Variants in ATRNL1 observed in about 807,000 individuals in gnomAD.
The protein encoded by ATRNL1 is attractin-like protein 1.
A neutral mutation model predicts 182.7 loss-of-function variants in ATRNL1; 95 were observed. That is an observed-to-expected ratio of 0.52 (90% CI 0.44 to 0.62). ATRNL1 has a LOEUF of 0.62. Among genes scored for constraint, ATRNL1 ranks in the 20% least tolerant of loss-of-function variants. The probability of loss-of-function intolerance (pLI) is 0.00; values close to 1 mark genes in which losing one functional copy is unlikely to be tolerated. For missense variants in ATRNL1, 1,471 were observed against 1,679.5 expected, an observed-to-expected ratio of 0.88 and a Z score of 2.17; for synonymous variants, 576 against 568.3, an observed-to-expected ratio of 1.01 and a Z score of -0.19.
In ATRNL1 at chr10:115,160,089, G is replaced by C. The variant is rs373516548; in HGVS notation, c.879G>C (p.Leu293=). ...NVPSTESYWI[L]PNVKPFSPSV... is the part of the protein sequence containing the mutation. The stretch of plus-strand genomic sequence containing the variant: ...CCTCTACTGAGTCTTACTGGATTCT[G>C]CCAAACGTTAAACCCTTCAGTCCTT... The change falls in exon 6 of 29, where the codon CTG becomes CTC. Residue 293 remains leucine, a synonymous_variant. Coordinates refer to ENST00000355044, the MANE Select transcript of ATRNL1 (RefSeq NM_207303.4). The C allele has an allele frequency of 6.8e-6, 11 of 1,611,824 alleles. No homozygotes were observed. The highest frequency in any genetic ancestry group is 9.3e-6 in the Non-Finnish European group (11 of 1,178,890).
intron 28 of ATRNL1, among the ~76,000 whole-genome samples, chr10:115,937,377 C>A (rs1054507728): frequency 2.0e-5 from 3 of 152,228 alleles, no homozygotes; most frequent in Non-Finnish European, 4.4e-5. Context: ...TTCAAATGAT[C>A]AGACAAGTAT....
At chr10:115,435,580 A>C (rs1554964682) in intron 21 of ATRNL1, among the ~76,000 whole-genome samples, 1 of 152,170 alleles carries the variant, frequency 6.6e-6, no homozygotes. Flanking sequence ...GACATATGGC[A>C]AGTCATTTTA....
chr10:115,320,797 C>G (rs542920046), intron 18 of ATRNL1, among the ~76,000 whole-genome samples: 31 of 152,138 alleles, frequency 2.0e-4, no homozygotes, highest in Admixed American at 1.1e-3. Flanking sequence ...CTCCTCTAAC[C>G]TTTTATCAAG....
intron 26 of ATRNL1, among the ~76,000 whole-genome samples, chr10:115,583,365 A>T (rs1555008466): frequency 9.2e-6 from 1 of 109,242 alleles, no homozygotes; most frequent in African/African-American, 2.8e-5. Flanking sequence ...CACGATATTG[A>T]TTCTTCCTAC....
chr10:115,326,835 A>G (rs1334273873), intron 18 of ATRNL1, among the ~76,000 whole-genome samples: 7 of 152,322 alleles, frequency 4.6e-5, no homozygotes, highest in African/African-American at 1.7e-4. Context: ...CAATGGGGAA[A>G]GGATTCCCTA....
chr10:115,492,644 A>ATTT (rs10677710), intron 24 of ATRNL1, among the ~76,000 whole-genome samples: 8,626 of 121,820 alleles, frequency 0.071, 781 homozygotes, highest in African/African-American at 0.15. Context: ...TACTAAAGTG[A>ATTT]TTTTTTTTTT....
intron 26 of ATRNL1, among the ~76,000 whole-genome samples, chr10:115,606,270 A>G (rs1856866981): frequency 6.6e-6 from 1 of 152,002 alleles, no homozygotes; most frequent in Non-Finnish European, 1.5e-5. Context: ...GTACATTTTC[A>G]GCAACACACT....
At chr10:115,358,819 T>C (rs1180136809) in intron 19 of ATRNL1, among the ~76,000 whole-genome samples, 2 of 151,614 alleles carry the variant, frequency 1.3e-5, no homozygotes, top group Admixed American at 1.3e-4. Context: ...CCAGCTCTTA[T>C]CCATTTTAAG....
intron 18 of ATRNL1, among the ~76,000 whole-genome samples, chr10:115,316,154 T>C (rs1554929613): frequency 6.6e-6 from 1 of 152,166 alleles, no homozygotes. Flanking sequence ...TTCCCCTCCC[T>C]GTGTCCACGT....
In ATRNL1 at chr10:115,863,668, T is replaced by C. The variant is rs913889379; in HGVS notation, c.4018+15677T>C. 4.6e-5 allele frequency among the ~76,000 whole-genome samples: 7 copies of C among 152,180 alleles called. No homozygotes were observed. The South Asian group carries it at 1.5e-3, about 32-fold the overall frequency. ...TGTATGCACGTGTGTTGGTATACAA[T>C]TGTATGTTTCTTAATGCTGCCTGCT... On this transcript the variant is annotated intron_variant, in intron 28 of 28. Transcript: ENST00000355044.
At chr10:115,735,228 C>G (rs1206915970) in intron 27 of ATRNL1, among the ~76,000 whole-genome samples, 1 of 152,106 alleles carries the variant, frequency 6.6e-6, no homozygotes, top group Non-Finnish European at 1.5e-5. Flanking sequence ...ATAATAAACT[C>G]TCTTAGTCTT....
chr10:115,214,116 A>G (rs1849137465), intron 8 of ATRNL1, among the ~76,000 whole-genome samples: 1 of 151,926 alleles, frequency 6.6e-6, no homozygotes, highest in Admixed American at 6.6e-5. Flanking sequence ...TGTTTTATGT[A>G]TACGAAAATA....
At chr10:115,368,440 A>T (rs932674206) in intron 19 of ATRNL1, among the ~76,000 whole-genome samples, 5 of 152,150 alleles carry the variant, frequency 3.3e-5, no homozygotes. Context: ...CCCTAGTGAG[A>T]TGAACCCAGT....
intron 27 of ATRNL1, among the ~76,000 whole-genome samples, chr10:115,813,382 T>A (rs1555087603): frequency 6.6e-6 from 1 of 152,208 alleles, no homozygotes; most frequent in Non-Finnish European, 1.5e-5. Context: ...AAGAGGGGTC[T>A]ATTTCCTGTA....
At chr10:115,578,004 A>C (rs1303357592) in intron 26 of ATRNL1, among the ~76,000 whole-genome samples, 3 of 151,686 alleles carry the variant, frequency 2.0e-5, no homozygotes, top group Non-Finnish European at 4.4e-5. Context: ...TGTATCTTTG[A>C]CTTGATCCTG....
chr10:115,138,613 G>T (rs1300019438), intron 5 of ATRNL1, among the ~76,000 whole-genome samples: 1 of 152,204 alleles, frequency 6.6e-6, no homozygotes, highest in Admixed American at 6.5e-5. Flanking sequence ...TGGCTGGAGT[G>T]GCTGGAATAC....
chr10:115,798,465 A>G (rs1949712114), intron 27 of ATRNL1, among the ~76,000 whole-genome samples: 1 of 152,194 alleles, frequency 6.6e-6, no homozygotes, highest in South Asian at 2.1e-4. Context: ...GTTCTTACTC[A>G]GAAGACCCAT....
chr10:115,449,411 A>G (rs1554967251), intron 21 of ATRNL1, among the ~76,000 whole-genome samples: 3 of 152,132 alleles, frequency 2.0e-5, no homozygotes. Flanking sequence ...AGCCACTTTC[A>G]TTGGCAATAA....
intron 8 of ATRNL1, among the ~76,000 whole-genome samples, chr10:115,174,338 C>A (rs1226743645): frequency 6.6e-6 from 1 of 151,684 alleles, no homozygotes; most frequent in Non-Finnish European, 1.5e-5. Flanking sequence ...TAAACTGTTA[C>A]CACATTTGTC....
Sources: allele counts gnomAD v4.1 joint callset (sites outside exome capture counted in the v4.1 genomes callset), GRCh38; gene constraint gnomAD v4.1.1; transcripts MANE v1.5; gene names NCBI Gene and HGNC (gene_info 2026-07-23, HGNC 2026-07-21).